PSD3: variants seen among roughly 807,000 people sequenced by gnomAD.
PSD3 encodes PH and SEC7 domain-containing protein 3.
Under a neutral mutation model 105.5 loss-of-function variants are expected in PSD3, and 49 were observed. That is an observed-to-expected ratio of 0.46 (90% confidence interval 0.37 to 0.59). The LOEUF is 0.59. Among genes scored for constraint, PSD3 ranks in the 20% least tolerant of loss-of-function variants. PSD3 has a pLI of 0.00. For missense variants in PSD3, 1,561 were observed against 1,263.8 expected, an observed-to-expected ratio of 1.24 and a Z score of -3.57; for synonymous variants, 557 against 457.8, an observed-to-expected ratio of 1.22 and a Z score of -2.77.
chr8:18,987,077 T>C (rs1825538477), intron 1 of PSD3, among the ~76,000 whole-genome samples: 1 of 152,256 alleles, frequency 6.6e-6, no homozygotes, highest in South Asian at 2.1e-4. Flanking sequence ...GCGAACAACA[T>C]ACTATGCATA....
At chr8:18,844,906 T>A (rs577601508) in intron 4 of PSD3, among the ~76,000 whole-genome samples, 1 of 152,204 alleles carries the variant, frequency 6.6e-6, no homozygotes, top group South Asian at 2.1e-4. Flanking sequence ...AAGTGTTTCA[T>A]ACAAAGCTGG....
intron 8 of PSD3, chr8:18,786,762 C>A (rs978572619): frequency 2.0e-5 from 3 of 152,204 alleles, no homozygotes; most frequent in African/African-American, 7.2e-5. Flanking sequence ...AAATGTCCAA[C>A]AACTTCTCGA....
intron 1 of PSD3, among the ~76,000 whole-genome samples, chr8:18,991,398 A>T (rs968349106): frequency 2.7e-5 from 4 of 148,114 alleles, no homozygotes; most frequent in Non-Finnish European, 3.0e-5. Context: ...ACACACACAC[A>T]CACTCCTGAA....
chr8:18,824,932 A>C (rs1813053316), intron 4 of PSD3, among the ~76,000 whole-genome samples: 1 of 152,134 alleles, frequency 6.6e-6, no homozygotes, highest in Non-Finnish European at 1.5e-5. Context: ...AGTCCCCCCA[A>C]AACAGTATTC....
intron 9 of PSD3, among the ~76,000 whole-genome samples, chr8:18,752,984 T>C (rs1052169434): frequency 3.3e-5 from 5 of 151,960 alleles, no homozygotes; most frequent in African/African-American, 1.2e-4. Context: ...CTTTTACAAA[T>C]GGCAGTGGTT....
rs1054119529 is a variant in PSD3, at chr8:18,856,639, T to C, written c.1634+11035A>G. On this transcript the variant is annotated intron_variant, in intron 4 of 15. Coordinates refer to ENST00000327040, the MANE Select transcript of PSD3 (RefSeq NM_015310.4). The stretch of plus-strand genomic sequence containing the variant: ...TTACTCTTGACAAGAAAATGTCACC[T>C]TGTTTGCGTTGAGGTGGGGCTTCTA... 3.0e-4 allele frequency among the ~76,000 whole-genome samples: 45 copies of C among 152,218 alleles called. 1 individual carries two copies. Among genetic ancestry groups the C allele is most frequent in the Admixed American group, 2.8e-3 (43 of 15,284 alleles).
chr8:18,918,695 T>C (rs1281676001), intron 2 of PSD3, among the ~76,000 whole-genome samples: 1 of 152,172 alleles, frequency 6.6e-6, no homozygotes, highest in Admixed American at 6.5e-5. Context: ...ATAACATCCA[T>C]TCAGAAAATG....
chr8:18,903,640 T>C (rs1047581279), intron 2 of PSD3, among the ~76,000 whole-genome samples: 1 of 152,168 alleles, frequency 6.6e-6, no homozygotes, highest in South Asian at 2.1e-4. Flanking sequence ...CAGGGATGTG[T>C]AGCTACTTAG....
intron 11 of PSD3, among the ~76,000 whole-genome samples, chr8:18,603,591 T>C (rs1344822239): frequency 1.3e-5 from 2 of 152,346 alleles, no homozygotes; most frequent in South Asian, 4.1e-4. Flanking sequence ...AACACCATTG[T>C]TGCAATGTTG....
At chr8:18,972,835 T>C (rs1221388348) in intron 1 of PSD3, among the ~76,000 whole-genome samples, 1 of 152,206 alleles carries the variant, frequency 6.6e-6, no homozygotes, top group Non-Finnish European at 1.5e-5. Flanking sequence ...TGTATGATAA[T>C]TTGCTACAGC....
chr8:18,821,007 C>A (rs1812653527), intron 4 of PSD3, among the ~76,000 whole-genome samples: 1 of 152,148 alleles, frequency 6.6e-6, no homozygotes, highest in Non-Finnish European at 1.5e-5. Flanking sequence ...ACCCCAGCCT[C>A]CCCAAATGCT....
chr8:18,609,648 G>A (rs1012528067), intron 11 of PSD3, among the ~76,000 whole-genome samples: 2 of 152,212 alleles, frequency 1.3e-5, no homozygotes, highest in African/African-American at 2.4e-5. Flanking sequence ...GAGTTCTGAA[G>A]TTCTAATCAA....
intron 1 of PSD3, among the ~76,000 whole-genome samples, chr8:19,002,446 T>C (rs1052261559): frequency 2.0e-5 from 3 of 152,012 alleles, no homozygotes; most frequent in African/African-American, 7.2e-5. Context: ...AACAAGCATA[T>C]ATCAACTTAG....
intron 12 of PSD3, among the ~76,000 whole-genome samples, chr8:18,594,811 C>G (rs888786821): frequency 6.6e-6 from 1 of 152,064 alleles, no homozygotes; most frequent in African/African-American, 2.4e-5. Flanking sequence ...AAGGCCTACA[C>G]ATCACTTCAT....
intron 11 of PSD3, among the ~76,000 whole-genome samples, chr8:18,627,415 T>C (rs1019019123): frequency 2.6e-5 from 4 of 151,898 alleles, no homozygotes; most frequent in Non-Finnish European, 5.9e-5. Context: ...TTAGCACTAG[T>C]GAAAGGAAAT....
chr8:18,912,277 T>A lies in PSD3; in HGVS notation c.130+23757A>T, dbSNP rs73666750. ...AAATTAAGCAGAAAGAACAAAAGAG[T>A]ATTAACTCCGAAACAAATCTGAAGG... On this transcript the variant is annotated intron_variant, in intron 2 of 15. Coordinates refer to ENST00000327040, the MANE Select transcript of PSD3 (RefSeq NM_015310.4). Among the ~76,000 whole-genome samples, 1,003 of 152,058 alleles carry A rather than the reference T, an allele frequency of 6.6e-3. 8 individuals are homozygous for A. Among genetic ancestry groups the A allele is most frequent in the African/African-American group, 0.022 (920 of 41,476 alleles).
exon 1 of PSD3, chr8:19,084,363 A>T (rs753453347): frequency 2.2e-6 from 1 of 456,096 alleles, no homozygotes; most frequent in African/African-American, 2.0e-5. Context: ...GCCTCTCCTC[A>T]GCACAGTCCT....
At chr8:19,009,325 T>C (rs186277852) in intron 1 of PSD3, among the ~76,000 whole-genome samples, 1 of 152,324 alleles carries the variant, frequency 6.6e-6, no homozygotes, top group Admixed American at 6.5e-5. Context: ...CAACACGCAA[T>C]GCTAACTTTG....
chr8:18,944,606 A>G (rs1822748464), intron 1 of PSD3, among the ~76,000 whole-genome samples: 1 of 151,576 alleles, frequency 6.6e-6, no homozygotes, highest in Admixed American at 6.6e-5. Context: ...AAATAAATAA[A>G]TAAATAAATA....
Sources: allele counts gnomAD v4.1 joint callset (sites outside exome capture counted in the v4.1 genomes callset), GRCh38; gene constraint gnomAD v4.1.1; transcripts MANE v1.5; gene names NCBI Gene and HGNC (gene_info 2026-07-23, HGNC 2026-07-21).